Variants in KLHL29 observed in about 807,000 individuals in gnomAD.
KLHL29 encodes kelch like family member 29.
In KLHL29, 21 loss-of-function variants were observed where a neutral mutation model predicts 80.4. That is an observed-to-expected ratio of 0.26 (90% CI 0.19 to 0.38). The LOEUF (loss-of-function observed/expected upper bound fraction) is 0.38. KLHL29 is among the 10% of genes least tolerant of loss of function. The pLI, the probability that KLHL29 is intolerant of heterozygous loss-of-function variation, is 1.00. For synonymous variants in KLHL29, 511 were observed against 526.8 expected (o/e 0.97, Z 0.41); for missense variants, 867 against 1,223.9 (o/e 0.71, Z 4.35).
chr2:23,521,468 G>T (rs888428929), intron 2 of KLHL29, among the ~76,000 whole-genome samples: 1 of 152,238 alleles, frequency 6.6e-6, no homozygotes, highest in Non-Finnish European at 1.5e-5. Flanking sequence ...CAGTGAAGCT[G>T]CAGGTGCAGC....
At chr2:23,536,938 G>GCT (rs961764440) in intron 2 of KLHL29, among the ~76,000 whole-genome samples, 8 of 87,584 alleles carry the variant, frequency 9.1e-5, no homozygotes, top group Non-Finnish European at 1.3e-4. Flanking sequence ...TCCCTCTCTC[G>GCT]CTCTCTCTCT....
Position 23,696,580 on chromosome 2 carries a change from A to C in KLHL29, c.2105+67A>C. 1.6e-6 allele frequency: 2 copies of C among 1,284,742 alleles called. No homozygotes were observed. The highest frequency in any genetic ancestry group is 2.1e-6 in the Non-Finnish European group (2 of 938,578). 79.6% of individuals were successfully genotyped at this position (1,284,742 alleles called of 1,614,324 possible). ...ACCAAGAACTGAAATCACGTCACTC[A>C]CTGTACCTCCCAACACCCACTCAGT... is the stretch of plus-strand genomic sequence containing the variant. On this transcript the variant is annotated intron_variant, in intron 11 of 13. Coordinates refer to ENST00000486442, the MANE Select transcript of KLHL29 (RefSeq NM_052920.2). The surrounding 1 kb of genome is among the most constrained non-coding windows in gnomAD (Gnocchi z 5.5).
chr2:23,463,560 G>A (rs1455104167), intron 1 of KLHL29, among the ~76,000 whole-genome samples: 2 of 152,180 alleles, frequency 1.3e-5, no homozygotes, highest in African/African-American at 4.8e-5. Context: ...TGTAGTGGCT[G>A]TTTGGTAGCC....
intron 3 of KLHL29, among the ~76,000 whole-genome samples, chr2:23,580,991 A>G (rs916164280): frequency 6.6e-6 from 1 of 152,238 alleles, no homozygotes; most frequent in African/African-American, 2.4e-5. Flanking sequence ...AATTAAAAAT[A>G]AAATCTAGCC....
chr2:23,551,749 G>C (rs192620353), intron 2 of KLHL29, among the ~76,000 whole-genome samples: 3 of 152,312 alleles, frequency 2.0e-5, no homozygotes, highest in Admixed American at 2.0e-4. Flanking sequence ...ACTTTAACTT[G>C]CATGTGAGTG....
At chr2:23,452,548 C>G (rs181891637) in intron 1 of KLHL29, among the ~76,000 whole-genome samples, 10 of 152,218 alleles carry the variant, frequency 6.6e-5, no homozygotes, top group Admixed American at 6.5e-4. Flanking sequence ...GTTCTGGGAA[C>G]GTCACTGGAG....
chr2:23,469,124 T>C (rs756641029), intron 1 of KLHL29, among the ~76,000 whole-genome samples: 2 of 151,982 alleles, frequency 1.3e-5, no homozygotes, highest in African/African-American at 2.4e-5. Context: ...GTCCCAGGAG[T>C]GTCAGGGAGA....
chr2:23,421,540 G>A (rs1040284936), intron 1 of KLHL29, among the ~76,000 whole-genome samples: 751 of 60,116 alleles, frequency 0.012, 6 homozygotes, highest in African/African-American at 0.049. Flanking sequence ...GTGTGTGTGT[G>A]TGTGTGTGTG....
chr2:23,632,054 GA>G (rs1669482104), intron 3 of KLHL29, among the ~76,000 whole-genome samples: 1 of 152,184 alleles, frequency 6.6e-6, no homozygotes, highest in Non-Finnish European at 1.5e-5. Flanking sequence ...AACTGAAGCA[GA>G]ACCTCCAGGG....
At chr2:23,418,787 G>C (rs1010477234) in intron 1 of KLHL29, among the ~76,000 whole-genome samples, 1 of 151,772 alleles carries the variant, frequency 6.6e-6, no homozygotes, top group Non-Finnish European at 1.5e-5. Flanking sequence ...TACCCAATAC[G>C]CTGGGGTTAC....
chr2:23,391,822 C>G (rs1485468985), intron 1 of KLHL29, among the ~76,000 whole-genome samples: 2 of 152,244 alleles, frequency 1.3e-5, no homozygotes, highest in Admixed American at 1.3e-4. Context: ...AGAATACTGT[C>G]CAATAAAGAA....
chr2:23,633,895 G>A (rs551566500), intron 3 of KLHL29, among the ~76,000 whole-genome samples: 118 of 151,850 alleles, frequency 7.8e-4, no homozygotes, highest in African/African-American at 2.4e-3. Flanking sequence ...TTCTCTCCCC[G>A]TGTTCCCTGG....
At position 23,669,399 on chromosome 2, in the gene KLHL29, C is replaced by G. The variant is rs1670644536; in HGVS notation, c.941-15000C>G. The G allele has an allele frequency of 6.6e-6, 1 of 152,316 alleles. No homozygotes were observed. 9.4% of individuals were successfully genotyped at this position (152,316 alleles called of 1,614,324 possible). ...AGGAATTCCCTGGCAGAGGGAATAG[C>G]CTAGGTGCCACCCTCCTCTTCCAGG... On this transcript the variant is annotated intron_variant, in intron 5 of 13. Coordinates refer to ENST00000486442, the MANE Select transcript of KLHL29 (RefSeq NM_052920.2). This position sits in a 1 kb window ranked among gnomAD's most constrained non-coding sequence, Gnocchi z 4.3.
chr2:23,696,503 C>T lies in KLHL29; in HGVS notation c.2095C>T (p.His699Tyr). 1 of 1,530,386 alleles carries T rather than the reference C, an allele frequency of 6.5e-7. No individual in the cohort carries two copies. The highest frequency in any genetic ancestry group is 8.8e-7 in the Non-Finnish European group (1 of 1,137,142). The allele number at this position is 1,530,386 out of a possible 1,614,324, so 94.8% of individuals were successfully genotyped here. A position where few individuals can be genotyped will look rare whatever the true frequency, so the allele number is the denominator to read the frequency against. Residue 699 changes from histidine to tyrosine, a missense_variant, in exon 11 of 14, where the codon CAC becomes TAC. His to Tyr is a moderately conservative substitution (Grantham distance 83). Transcript: ENST00000486442. The surrounding 1 kb of genome is among the most constrained non-coding windows in gnomAD (Gnocchi z 5.5). ...GGLGVAGNVDHVERYDTITNQ... is the reference protein window; with the variant it reads ...GGLGVAGNVDYVERYDTITNQ... ...ACTTGGCGTGGCAGGCAACGTGGAC[C>T]ACGTGGAGAGGTAATGAGGCCACGG...
chr2:23,600,474 G>A (rs936535994), intron 3 of KLHL29, among the ~76,000 whole-genome samples: 1 of 152,216 alleles, frequency 6.6e-6, no homozygotes, highest in African/African-American at 2.4e-5. Flanking sequence ...GGCACTGGGT[G>A]TTCGCAGCTC....
chr2:23,562,606 C>T lies in KLHL29; in HGVS notation c.285+125C>T. The T allele has an allele frequency of 1.0e-6, 1 of 955,154 alleles. No homozygotes were observed. The highest frequency in any genetic ancestry group is 1.7e-5 in the South Asian group (1 of 58,106). The allele number at this position is 955,154 out of a possible 1,614,324, so 59.2% of individuals were successfully genotyped here. A position where few individuals can be genotyped will look rare whatever the true frequency, so the allele number is the denominator to read the frequency against. On this transcript the variant is annotated intron_variant, in intron 3 of 13. Coordinates refer to ENST00000486442, the MANE Select transcript of KLHL29 (RefSeq NM_052920.2). This position sits in a 1 kb window ranked among gnomAD's most constrained non-coding sequence, Gnocchi z 4.5. ...CTCCACGCCCCGAGTCCTCCAGAGT[C>T]TTGTCCTTCCAGGACCTGGGCCTGG...
rs547211811 is a variant in KLHL29 at position 23,523,260 on chromosome 2, A to G, written c.-45-38892A>G. On this transcript the variant is annotated intron_variant, in intron 2 of 13. Coordinates refer to ENST00000486442, the MANE Select transcript of KLHL29 (RefSeq NM_052920.2). The stretch of plus-strand genomic sequence containing the variant: ...CAGAGGGCCTGCATGCCACAGCGAG[A>G]GCAGAAAGGGAGCAGAGCCATTTTG... Among the ~76,000 whole-genome samples the G allele has an allele frequency of 7.9e-5, 12 of 152,324 alleles. No individual in the cohort carries two copies. In the East Asian group the frequency reaches 1.2e-3, roughly 15 times the overall value.
chr2:23,450,291 A>T (rs941273284), intron 1 of KLHL29, among the ~76,000 whole-genome samples: 12 of 152,094 alleles, frequency 7.9e-5, no homozygotes, highest in African/African-American at 2.9e-4. Flanking sequence ...CCAGGCCGAG[A>T]TGGTTCACCC....
At chr2:23,609,539 T>C (rs1668806873) in intron 3 of KLHL29, among the ~76,000 whole-genome samples, 1 of 151,774 alleles carries the variant, frequency 6.6e-6, no homozygotes, top group Non-Finnish European at 1.5e-5. Context: ...CTCGGCTGGT[T>C]GTGGAGCGAG....
Sources: gnomAD v4.1 joint callset for allele counts (sites outside exome capture counted in the v4.1 genomes callset) on GRCh38, gnomAD v4.1.1 for gene constraint, Gnocchi (gnomAD v3.1) non-coding constraint, MANE v1.5 for transcripts, NCBI Gene and HGNC (gene_info 2026-07-23, HGNC 2026-07-21) for gene names.